The following GREP1 variants were observed in gnomAD, a reference collection of about 807,000 sequenced individuals.
The protein encoded by GREP1 is glycine rich extracellular protein 1, also known as glycine-rich extracellular protein 1.
chr16:2,994,908 C>T lies in GREP1; in HGVS notation c.449-19C>T. Reference sequence around the variant, plus strand: ...GCTCCCTCCCCTCATTCATACCCCGCCTTGATCTATTCCCCCAGGATTCCA... The same window carrying T: ...GCTCCCTCCCCTCATTCATACCCCGTCTTGATCTATTCCCCCAGGATTCCA... On this transcript the variant is annotated intron_variant, in intron 12 of 34. Transcript: ENST00000573315. The T allele has an allele frequency of 2.5e-6, 1 of 399,286 alleles. No homozygotes were observed. The highest frequency in any genetic ancestry group is 4.4e-6 in the Non-Finnish European group (1 of 226,224). The allele number at this position is 399,286 out of a possible 1,614,324, so 24.7% of individuals were successfully genotyped here.
chr16:2,998,094 C>T (rs1215536234), intron 23 of GREP1, among the ~76,000 whole-genome samples: 11 of 151,940 alleles, frequency 7.2e-5, no homozygotes, highest in Non-Finnish European at 1.6e-4. Context: ...CCATTATTCT[C>T]CATGGGTCTC....
In GREP1 at chr16:2,997,049, C is replaced by G; in HGVS notation, c.850C>G (p.Pro284Ala). 2.5e-6 allele frequency: 1 copy of G among 399,210 alleles called. No individual in the cohort carries two copies. Among genetic ancestry groups the G allele is most frequent in the Admixed American group, 4.4e-5 (1 of 22,732 alleles). The allele number at this position is 399,210 out of a possible 1,614,324, so 24.7% of individuals were successfully genotyped here. A position where few individuals can be genotyped will look rare whatever the true frequency, so the allele number is the denominator to read the frequency against. The change falls in exon 21 of 35, where the codon CCA (proline) becomes GCA (alanine). Residue 284 changes from proline to alanine, a missense_variant. Physicochemically the swap from Pro to Ala is conservative, Grantham distance 27 (BLOSUM62 -1). Transcript: ENST00000573315. ...CCCTCACTTGCTCCCTTTCTCTTCA[C>G]CAGGCTATTTGGGGGTTATGAAGGC...
chr16:3,001,808 C>G, exon 35 of GREP1: 1 of 395,266 alleles, frequency 2.5e-6, no homozygotes. Flanking sequence ...ATCAATGAGG[C>G]CATGTGCCAG....
rs2072388903 is a variant in GREP1, at chr16:2,989,698, C to G, written c.130+146C>G. The G allele has an allele frequency of 2.5e-6, 1 of 399,110 alleles. No individual in the cohort carries two copies. Among genetic ancestry groups the G allele is most frequent in the East Asian group, 3.6e-5 (1 of 28,110 alleles). The allele number at this position is 399,110 out of a possible 1,614,324, so 24.7% of individuals were successfully genotyped here. A position where few individuals can be genotyped will look rare whatever the true frequency, so the allele number is the denominator to read the frequency against. ...AATACATGGGGACAGAGCATAGCCC[C>G]AGAGTGTCCCCCAGGCACCCTGGCT... On this transcript the variant is annotated intron_variant, in intron 3 of 34. Transcript: ENST00000573315. The surrounding 1 kb of genome is among the most constrained non-coding windows in gnomAD (Gnocchi z 4.2).
chr16:2,992,808 C>G lies in GREP1; in HGVS notation c.326C>G (p.Pro109Arg). The G allele has an allele frequency of 2.5e-6, 1 of 399,154 alleles. No individual in the cohort carries two copies. The allele number at this position is 399,154 out of a possible 1,614,324, so 24.7% of individuals were successfully genotyped here. The change falls in exon 9 of 35, where the codon CCT becomes CGT. Residue 109 changes from proline to arginine, a missense_variant. Coordinates refer to ENST00000573315, the Ensembl canonical transcript of GREP1. The surrounding 1 kb of genome is among the most constrained non-coding windows in gnomAD (Gnocchi z 4.9). ...TCCTGTGTCTGCCCTCAAACAGGTC[C>G]TGCCGCTCAAAATGGCTTTGGACCA...
chr16:2,995,653 A>C (rs183890455), exon 16 of GREP1: 55 of 390,806 alleles, frequency 1.4e-4, no homozygotes, highest in African/African-American at 9.3e-4. Context: ...GATTTGGAGC[A>C]GGTAGGAGCA....
intron 10 of GREP1, chr16:2,994,003 C>G (rs1203387584): frequency 6.6e-6 from 1 of 152,566 alleles, no homozygotes; most frequent in Non-Finnish European, 1.5e-5. Flanking sequence ...ATCCGTGGAC[C>G]ATGCCTGTTC....
At position 2,997,167 on chromosome 16, in the gene GREP1, G is replaced by A. The variant is rs191771985; in HGVS notation, c.886+82G>A. The A allele has an allele frequency of 8.6e-3, 3,423 of 398,904 alleles. 24 individuals carry two copies. The highest frequency in any genetic ancestry group is 0.012 in the Non-Finnish European group (2,661 of 226,042). 24.7% of individuals were successfully genotyped at this position (398,904 alleles called of 1,614,324 possible). A position where few individuals can be genotyped will look rare whatever the true frequency, so the allele number is the denominator to read the frequency against. On this transcript the variant is annotated intron_variant, in intron 21 of 34. Coordinates refer to ENST00000573315, the Ensembl canonical transcript of GREP1. ...ATTCATACCCCACCTCAGCTCCATC[G>A]GCATTCAGGAGGGGGCTGGGAGCCG...
At chr16:2,996,274 G>A (rs972134740) in intron 18 of GREP1, among the ~76,000 whole-genome samples, 2 of 152,172 alleles carry the variant, frequency 1.3e-5, no homozygotes, top group African/African-American at 2.4e-5. Context: ...ACAAAGATCG[G>A]GCCAGGGGGC....
chr16:2,990,049 C>A, intron 4 of GREP1, 38 bp from the exon 5 acceptor site: 1 of 399,704 alleles, frequency 2.5e-6, no homozygotes, highest in Non-Finnish European at 4.4e-6. Flanking sequence ...CCCCCTCTTT[C>A]TCTCACACTC....
At chr16:2,999,128 GC>G (rs769396631) in intron 26 of GREP1, 149 bp downstream of exon 24, 12 of 398,542 alleles carry the variant, frequency 3.0e-5, no homozygotes, top group Non-Finnish European at 5.3e-5. Context: ...CTGAGGAGAA[GC>G]CTGAACTCTG....
chr16:2,995,835 C>A, intron 17 of GREP1, 64 bp downstream of exon 17: 1 of 398,604 alleles, frequency 2.5e-6, no homozygotes, highest in Non-Finnish European at 4.4e-6. Flanking sequence ...AAGCACTCTA[C>A]TCATGCTCCC....
At chr16:2,994,496 C>G in intron 10 of GREP1, 1 of 383,260 alleles carries the variant, frequency 2.6e-6, no homozygotes, top group Non-Finnish European at 4.6e-6. Flanking sequence ...GCAACAAGAG[C>G]GAGACTCCAT....
At chr16:2,993,163 G>A (rs1447933353) in intron 10 of GREP1, 200 bp downstream of exon 11, 1 of 379,954 alleles carries the variant, frequency 2.6e-6, no homozygotes, top group Admixed American at 4.5e-5. Context: ...GGAGGTCTTA[G>A]GGGTTGGGGG....
At chr16:2,990,372 G>C (rs891716704) in intron 5 of GREP1, 180 bp from the exon 6 acceptor site, 14 of 398,810 alleles carry the variant, frequency 3.5e-5, no homozygotes, top group African/African-American at 2.7e-4. Flanking sequence ...GATGGGAGTG[G>C]GGGAGCTGGA....
chr16:2,990,710 G>T, intron 7 of GREP1, 123 bp downstream of exon 6: 1 of 398,472 alleles, frequency 2.5e-6, no homozygotes, highest in African/African-American at 2.1e-5. Context: ...AGGCTCCCAG[G>T]CCTCAGAGAG....
rs1018611881 is a variant in GREP1, at chr16:2,991,594, G to C, written c.322+493G>C. 1 of 152,762 alleles carries C rather than the reference G, an allele frequency of 6.5e-6. No homozygotes were observed. Among genetic ancestry groups the C allele is most frequent in the African/African-American group, 2.4e-5 (1 of 41,408 alleles). 9.5% of individuals were successfully genotyped at this position (152,762 alleles called of 1,614,324 possible). ...AGGGAACCTCAGAAGCGGATGAAGGGAGGACCCCGCCCGTGTGCCACCTCC... is the reference window on the plus strand; with the variant it reads ...AGGGAACCTCAGAAGCGGATGAAGGCAGGACCCCGCCCGTGTGCCACCTCC... On this transcript the variant is annotated intron_variant, in intron 8 of 34. Transcript: ENST00000573315. The surrounding 1 kb of genome is among the most constrained non-coding windows in gnomAD (Gnocchi z 4.9).
rs59699838 is a variant in GREP1, at chr16:2,989,510, A to C, written c.101-13A>C. On this transcript the variant is annotated splice_polypyrimidine_tract_variant and intron_variant, in intron 2 of 34. Coordinates refer to ENST00000573315, the Ensembl canonical transcript of GREP1. The surrounding 1 kb of genome is among the most constrained non-coding windows in gnomAD (Gnocchi z 4.2). ...TCCAGCACCCCGGGCTCAACATCTC[A>C]CTTCTCCCACAGTCTATGGCCCCCA... is the stretch of plus-strand genomic sequence containing the variant. The C allele has an allele frequency of 1.5e-5, 6 of 398,284 alleles. No individual in the cohort carries two copies. The allele number at this position is 398,284 out of a possible 1,614,324, so 24.7% of individuals were successfully genotyped here.
chr16:2,990,476 C>T, exon 6 of GREP1: 1 of 399,460 alleles, frequency 2.5e-6, no homozygotes, highest in Non-Finnish European at 4.4e-6. Context: ...GGCATGAAAC[C>T]CCAAAACCTA....
Sources: gnomAD v4.1 joint callset for allele counts (sites outside exome capture counted in the v4.1 genomes callset) on GRCh38, gnomAD v4.1.1 for gene constraint, Gnocchi (gnomAD v3.1) non-coding constraint, MANE v1.5 for transcripts, NCBI Gene and HGNC (gene_info 2026-07-23, HGNC 2026-07-21) for gene names.